Variants in DIAPH3 observed in about 807,000 individuals in gnomAD.
DIAPH3 encodes the protein protein diaphanous homolog 3.
Under a neutral mutation model 144.3 loss-of-function variants are expected in DIAPH3, and 117 were observed. That is an observed-to-expected ratio of 0.81 (90% CI 0.70 to 0.95). The LOEUF (loss-of-function observed/expected upper bound fraction) is 0.95. DIAPH3 is among the 40% of genes least tolerant of loss of function. DIAPH3 has a pLI of 0.00. For synonymous variants in DIAPH3, 519 were observed against 488.9 expected (o/e 1.06, Z -0.81); for missense variants, 1,421 against 1,412.7 (o/e 1.01, Z -0.09).
At chr13:59,684,417 T>C (rs2033110164) in intron 27 of DIAPH3, among the ~76,000 whole-genome samples, 1 of 152,222 alleles carries the variant, frequency 6.6e-6, no homozygotes, top group South Asian at 2.1e-4. Flanking sequence ...GGGGTTAGTT[T>C]ATATATAAAA....
intron 27 of DIAPH3, among the ~76,000 whole-genome samples, chr13:59,684,556 C>T (rs557931487): frequency 6.6e-5 from 10 of 152,238 alleles, no homozygotes; most frequent in African/African-American, 2.4e-4. Context: ...GCTAAGCCTA[C>T]AAAGGATTTT....
rs777648239 is a variant in DIAPH3, at chr13:59,983,826, T to C, written c.1423A>G (p.Met475Val). ...VSQIVLHRDG[M>V]DPDFTYRKRL... is the part of the protein sequence containing the mutation. ...TTTCGATATGTGAAGTCTGGATCCA[T>C]TCCATCTCTATGCAATACAATCTGG... is the stretch of plus-strand genomic sequence containing the variant. The change falls in exon 13 of 28, where the codon ATG becomes GTG. Residue 475 changes from methionine (M) to valine (V), a missense_variant. By Grantham distance (21) the Met-to-Val change is conservative. Coordinates refer to ENST00000400324, the MANE Select transcript of DIAPH3 (RefSeq NM_001042517.2). The C allele has an allele frequency of 6.2e-7, 1 of 1,610,194 alleles. No individual in the cohort carries two copies. Among genetic ancestry groups the C allele is most frequent in the South Asian group, 1.1e-5 (1 of 90,972 alleles).
intron 4 of DIAPH3, chr13:60,044,215 G>A (rs2055901223): frequency 6.6e-6 from 1 of 152,218 alleles, no homozygotes; most frequent in Non-Finnish European, 1.5e-5. Flanking sequence ...CCAACGGCAG[G>A]AAATGAATTG....
chr13:60,107,217 A>G (rs1012290146), intron 3 of DIAPH3, among the ~76,000 whole-genome samples: 1 of 152,094 alleles, frequency 6.6e-6, no homozygotes, highest in African/African-American at 2.4e-5. Context: ...CAAATATCTC[A>G]GAAGAAAAAA....
At chr13:59,939,760 T>C (rs1235903108) in intron 17 of DIAPH3, among the ~76,000 whole-genome samples, 8 of 152,150 alleles carry the variant, frequency 5.3e-5, no homozygotes, top group Admixed American at 1.3e-4. Flanking sequence ...TTGACTTATA[T>C]TGACTAAGGC....
At chr13:59,750,022 C>G (rs1355518262) in intron 27 of DIAPH3, among the ~76,000 whole-genome samples, 1 of 152,128 alleles carries the variant, frequency 6.6e-6, no homozygotes, top group Non-Finnish European at 1.5e-5. Context: ...TTCCTTCCCT[C>G]TTGGTCAATA....
chr13:59,969,887 A>T (rs1333213737), intron 17 of DIAPH3, 57 bp downstream of exon 17: 2 of 1,117,090 alleles, frequency 1.8e-6, no homozygotes, highest in Non-Finnish European at 2.6e-6. Context: ...GATACATAAA[A>T]AGTATATGTT....
intron 17 of DIAPH3, among the ~76,000 whole-genome samples, chr13:59,951,361 A>C (rs2049087286): frequency 6.6e-6 from 1 of 151,810 alleles, no homozygotes; most frequent in Non-Finnish European, 1.5e-5. Flanking sequence ...GTTTCCTGAG[A>C]CCTCCCAGGC....
At chr13:60,020,816 TA>T in intron 5 of DIAPH3, 1 of 152,324 alleles carries the variant, frequency 6.6e-6, no homozygotes, top group East Asian at 1.9e-4. Context: ...CATAATGCAA[TA>T]AATGCTATAC....
chr13:59,845,701 C>A (rs1754814435), intron 22 of DIAPH3, among the ~76,000 whole-genome samples: 1 of 152,164 alleles, frequency 6.6e-6, no homozygotes, highest in Non-Finnish European at 1.5e-5. Context: ...CATAACCATT[C>A]ATAATTTACA....
intron 21 of DIAPH3, among the ~76,000 whole-genome samples, chr13:59,871,221 CACAG>C (rs1411407649): frequency 6.7e-6 from 1 of 149,654 alleles, no homozygotes; most frequent in African/African-American, 2.5e-5. Context: ...GGGCATTCTA[CACAG>C]ACAATCATTT....
chr13:59,708,891 G>A (rs1350866660), intron 27 of DIAPH3, among the ~76,000 whole-genome samples: 2 of 151,866 alleles, frequency 1.3e-5, no homozygotes, highest in African/African-American at 2.4e-5. Flanking sequence ...AGACCTTATA[G>A]ACTAAAAATC....
chr13:59,802,838 C>T (rs2040009401), intron 25 of DIAPH3, among the ~76,000 whole-genome samples: 2 of 147,960 alleles, frequency 1.4e-5, no homozygotes, highest in Admixed American at 1.4e-4. Flanking sequence ...CCCGCCACCG[C>T]GCCCGGCTAA....
At chr13:60,121,456 T>A (rs1215841005) in intron 2 of DIAPH3, among the ~76,000 whole-genome samples, 1 of 151,912 alleles carries the variant, frequency 6.6e-6, no homozygotes, top group Non-Finnish European at 1.5e-5. Context: ...ATGCCTTCAG[T>A]GAATCAGTGG....
At chr13:59,911,869 C>G (rs989013738) in intron 19 of DIAPH3, 33 bp from the exon 20 acceptor site, 1 of 1,383,772 alleles carries the variant, frequency 7.2e-7, no homozygotes, top group African/African-American at 1.4e-5. Flanking sequence ...AAGATCTTCA[C>G]TAAATGTACT....
intron 4 of DIAPH3, among the ~76,000 whole-genome samples, chr13:60,050,115 G>C (rs1445447411): frequency 1.3e-5 from 2 of 152,152 alleles, no homozygotes; most frequent in Non-Finnish European, 2.9e-5. Flanking sequence ...GATCACTTGA[G>C]CCCAGGAGTT....
At chr13:59,765,315 C>A (rs1402444369) in intron 27 of DIAPH3, among the ~76,000 whole-genome samples, 1 of 152,062 alleles carries the variant, frequency 6.6e-6, no homozygotes, top group East Asian at 1.9e-4. Flanking sequence ...GCAAATGTAT[C>A]ATGGAAGGAA....
rs996856694 is a variant in DIAPH3, at chr13:59,900,759, C to T, written c.2367+10976G>A. On this transcript the variant is annotated intron_variant, in intron 20 of 27. Coordinates refer to ENST00000400324, the MANE Select transcript of DIAPH3 (RefSeq NM_001042517.2). ...TGGCTTCCAAATTTATAACTCCATC[C>T]CTGAACTCCCAGCTTATACCCCCAA... Among the ~76,000 whole-genome samples, 3 of 152,288 alleles carry T rather than the reference C, an allele frequency of 2.0e-5. No homozygotes were observed. In the East Asian group the frequency reaches 5.8e-4, roughly 29 times the overall value.
At chr13:60,148,097 A>T (rs1308210246) in intron 1 of DIAPH3, among the ~76,000 whole-genome samples, 1 of 152,226 alleles carries the variant, frequency 6.6e-6, no homozygotes, top group Non-Finnish European at 1.5e-5. Context: ...GTTAAAGATC[A>T]AGAAGTTGAA....
Sources: allele counts gnomAD v4.1 joint callset (sites outside exome capture counted in the v4.1 genomes callset), GRCh38; gene constraint gnomAD v4.1.1; transcripts MANE v1.5; gene names NCBI Gene and HGNC (gene_info 2026-07-23, HGNC 2026-07-21).